Variants in COMMD10 observed in about 807,000 individuals in gnomAD.
The protein encoded by COMMD10 is COMM domain containing 10.
In COMMD10, 33 loss-of-function variants were observed where a neutral mutation model predicts 28.9. The ratio of observed to expected loss-of-function variants is 1.14; its 90% CI spans 0.87 to 1.53. The LOEUF is 1.53. COMMD10 is among the 40% of genes most tolerant of loss of function. The pLI, the probability that COMMD10 is intolerant of heterozygous loss-of-function variation, is 0.00. For missense variants in COMMD10, 310 were observed against 233.4 expected, an observed-to-expected ratio of 1.33 and a Z score of -2.14; for synonymous variants, 110 against 81.7, an observed-to-expected ratio of 1.35 and a Z score of -1.87.
rs892842724 is a variant in COMMD10, at chr5:116,101,686, A to G, written c.399+8986A>G. Among the ~76,000 whole-genome samples, 3 of 152,088 alleles carry G rather than the reference A, an allele frequency of 2.0e-5. No individual in the cohort carries two copies. The East Asian group carries it at 5.8e-4, about 29-fold the overall frequency. ...GTGATCCGCTTGCCTCAGCCTCCCA[A>G]AGTGTGGGCTTACAGGCGTGAGCCA... On this transcript the variant is annotated intron_variant, in intron 4 of 6. Transcript: ENST00000274458.
intron 5 of COMMD10, among the ~76,000 whole-genome samples, chr5:116,144,348 G>C (rs1424560109): frequency 6.6e-6 from 1 of 151,706 alleles, no homozygotes; most frequent in African/African-American, 2.4e-5. Flanking sequence ...AGGGAAGCAG[G>C]GTCAGAGAGA....
chr5:116,184,935 T>C (rs974971870), intron 5 of COMMD10, among the ~76,000 whole-genome samples: 8 of 152,118 alleles, frequency 5.3e-5, no homozygotes, highest in African/African-American at 1.9e-4. Flanking sequence ...GCAAGTTACT[T>C]GACTCCTCTG....
chr5:116,227,826 C>G (rs953844395), intron 5 of COMMD10, among the ~76,000 whole-genome samples: 2 of 152,044 alleles, frequency 1.3e-5, no homozygotes, highest in East Asian at 1.9e-4. Flanking sequence ...AATTAGTTCT[C>G]TCACCCAGGG....
intron 5 of COMMD10, among the ~76,000 whole-genome samples, chr5:116,262,752 A>G (rs1475893543): frequency 6.6e-6 from 1 of 151,796 alleles, no homozygotes; most frequent in African/African-American, 2.4e-5. Context: ...TTATAGCCTC[A>G]TTACTCATTC....
chr5:116,119,245 A>G (rs1751342393), intron 4 of COMMD10, among the ~76,000 whole-genome samples: 1 of 152,252 alleles, frequency 6.6e-6, no homozygotes, highest in Non-Finnish European at 1.5e-5. Flanking sequence ...TGTCACCCTA[A>G]CAGTGAGACT....
At chr5:116,192,178 AC>A (rs962279348) in intron 5 of COMMD10, among the ~76,000 whole-genome samples, 9 of 151,930 alleles carry the variant, frequency 5.9e-5, no homozygotes, top group African/African-American at 2.2e-4. Context: ...TCAGCCCTAG[AC>A]CTTCCCTCTG....
At chr5:116,140,255 G>GTGTGTGTGTT (rs1490178257) in intron 5 of COMMD10, among the ~76,000 whole-genome samples, 1 of 151,420 alleles carries the variant, frequency 6.6e-6, no homozygotes, top group Admixed American at 6.6e-5. Context: ...GTGTGTGTGT[G>GTGTGTGTGTT]TATGTGTCTG....
intron 5 of COMMD10, among the ~76,000 whole-genome samples, chr5:116,239,496 T>G (rs1749759880): frequency 6.6e-6 from 1 of 152,164 alleles, no homozygotes; most frequent in Non-Finnish European, 1.5e-5. Flanking sequence ...GAGCTTTGCC[T>G]CTCTTTGAGC....
At chr5:116,171,024 G>T (rs188660298) in intron 5 of COMMD10, among the ~76,000 whole-genome samples, 391 of 152,246 alleles carry the variant, frequency 2.6e-3, no homozygotes, top group Non-Finnish European at 4.4e-3. Context: ...CACAGCAAAA[G>T]AAACTATCAT....
At chr5:116,259,488 G>A (rs111684038) in intron 5 of COMMD10, among the ~76,000 whole-genome samples, 1,717 of 151,234 alleles carry the variant, frequency 0.011, 58 homozygotes, top group African/African-American at 0.039. Flanking sequence ...TCTTCAATAT[G>A]TTAAGTTTGG....
At chr5:116,108,370 G>C (rs1480391653) in intron 4 of COMMD10, among the ~76,000 whole-genome samples, 1 of 152,176 alleles carries the variant, frequency 6.6e-6, no homozygotes, top group Non-Finnish European at 1.5e-5. Flanking sequence ...GAGATGCCCT[G>C]CCCAGAGAGG....
chr5:116,154,559 C>A (rs867537608), intron 5 of COMMD10, among the ~76,000 whole-genome samples: 11 of 152,098 alleles, frequency 7.2e-5, no homozygotes, highest in Middle Eastern at 3.4e-3. Flanking sequence ...CTAGTAGTTT[C>A]AGGTAATCTT....
chr5:116,217,901 T>C, intron 5 of COMMD10: 1 of 632,400 alleles, frequency 1.6e-6, no homozygotes, highest in Non-Finnish European at 2.8e-6. Flanking sequence ...TTCTGTGTGC[T>C]AACAGCATAG....
Position 116,203,935 on chromosome 5 carries a change from C to A in COMMD10, c.510+69757C>A, listed in dbSNP as rs1362732676. On this transcript the variant is annotated intron_variant, in intron 5 of 6. Coordinates refer to ENST00000274458, the MANE Select transcript of COMMD10 (RefSeq NM_016144.4). ...TGGACTAAATGCTCCAATTAAAAGA[C>A]ACAGGCTGGCAAATTGGATAAAGAG... Among the ~76,000 whole-genome samples the A allele has an allele frequency of 7.2e-5, 11 of 152,090 alleles. No individual in the cohort carries two copies. In the East Asian group the frequency reaches 1.9e-3, roughly 27 times the overall value.
intron 5 of COMMD10, among the ~76,000 whole-genome samples, chr5:116,156,564 C>G (rs7707320): frequency 0.32 from 48,712 of 151,954 alleles, 11,117 homozygotes; most frequent in African/African-American, 0.65. Context: ...CGTTCTACTT[C>G]ATATCTATAG....
intron 5 of COMMD10, among the ~76,000 whole-genome samples, chr5:116,183,672 A>G (rs939449780): frequency 6.6e-6 from 1 of 152,146 alleles, no homozygotes; most frequent in Non-Finnish European, 1.5e-5. Flanking sequence ...CACTGCACTT[A>G]GCACACTGAC....
intron 5 of COMMD10, among the ~76,000 whole-genome samples, chr5:116,250,666 A>G (rs1750087239): frequency 1.3e-5 from 2 of 151,866 alleles, no homozygotes; most frequent in South Asian, 4.1e-4. Flanking sequence ...AAAAATGGGA[A>G]TGAGCTAACT....
intron 5 of COMMD10, among the ~76,000 whole-genome samples, chr5:116,137,182 A>G (rs747824139): frequency 1.3e-5 from 2 of 151,964 alleles, no homozygotes; most frequent in African/African-American, 2.4e-5. Flanking sequence ...TGTACTCTTC[A>G]TCTTATTCCT....
In COMMD10 at chr5:116,091,120, A is replaced by C. The variant is rs758658527; in HGVS notation, c.174A>C (p.Gln58His). 1 of 1,612,496 alleles carries C rather than the reference A, an allele frequency of 6.2e-7. No homozygotes were observed. The highest frequency in any genetic ancestry group is 8.5e-7 in the Non-Finnish European group (1 of 1,179,136). The change falls in exon 3 of 7, where the codon CAA (glutamine) becomes CAC (histidine). Residue 58 changes from glutamine (Q) to histidine (H), a missense_variant. Coordinates refer to ENST00000274458, the MANE Select transcript of COMMD10 (RefSeq NM_016144.4). ...GTGAAGAAGAGGAAGAAAAACTTCAAGCGGCATTTTCTCTAGAGAAACAAG... is the reference window on the plus strand; with the variant it reads ...GTGAAGAAGAGGAAGAAAAACTTCACGCGGCATTTTCTCTAGAGAAACAAG... ...SFSEEEEEKL[Q>H]AAFSLEKQDL...
Sources: allele counts gnomAD v4.1 joint callset (sites outside exome capture counted in the v4.1 genomes callset), GRCh38; gene constraint gnomAD v4.1.1; transcripts MANE v1.5; gene names NCBI Gene and HGNC (gene_info 2026-07-23, HGNC 2026-07-21).